The following GLDC variants were observed in gnomAD, a reference collection of about 807,000 sequenced individuals.
GLDC encodes glycine dehydrogenase (decarboxylating), mitochondrial.
A neutral mutation model predicts 121.3 loss-of-function variants in GLDC; 104 were observed. The ratio of observed to expected loss-of-function variants is 0.86; its 90% CI spans 0.73 to 1.01. GLDC has a LOEUF of 1.01. Among genes scored for constraint, GLDC ranks in the 50% least tolerant of loss-of-function variants. The pLI is 0.00. For missense variants in GLDC, 1,429 were observed against 1,306.6 expected, an observed-to-expected ratio of 1.09 and a Z score of -1.44; for synonymous variants, 546 against 480.6, an observed-to-expected ratio of 1.14 and a Z score of -1.78.
intron 21 of GLDC, among the ~76,000 whole-genome samples, chr9:6,543,521 C>G (rs1447242978): frequency 6.6e-6 from 1 of 152,134 alleles, no homozygotes; most frequent in Non-Finnish European, 1.5e-5. Context: ...GAAGAGGTCC[C>G]CACCATAGCC....
At chr9:6,564,306 G>A (rs1817813360) in intron 16 of GLDC, among the ~76,000 whole-genome samples, 2 of 152,010 alleles carry the variant, frequency 1.3e-5, no homozygotes, top group African/African-American at 4.8e-5. Context: ...AGACACACCT[G>A]TGGAATCAGG....
chr9:6,634,941 G>A lies in GLDC; in HGVS notation c.334+9673C>T, dbSNP rs188370713. 7.4e-4 allele frequency among the ~76,000 whole-genome samples: 112 copies of A among 152,230 alleles called. 1 individual carries two copies. The highest frequency in any genetic ancestry group is 1.5e-3 in the Non-Finnish European group (103 of 67,996). Reference sequence around the variant, plus strand: ...CTGTCTACCCATTACTTAGAGGGGGGAAAATAAATCCCTTTTGGCTCTGAG... The same window carrying A: ...CTGTCTACCCATTACTTAGAGGGGGAAAAATAAATCCCTTTTGGCTCTGAG... On this transcript the variant is annotated intron_variant, in intron 2 of 24. Transcript: ENST00000321612.
chr9:6,557,455 A>G (rs747884711), intron 17 of GLDC, among the ~76,000 whole-genome samples: 4 of 152,124 alleles, frequency 2.6e-5, no homozygotes, highest in South Asian at 4.1e-4. Flanking sequence ...GTAGCTGGGC[A>G]TGGTGGCACA....
chr9:6,598,250 T>G (rs900677055), intron 8 of GLDC, among the ~76,000 whole-genome samples: 1 of 152,154 alleles, frequency 6.6e-6, no homozygotes, highest in Non-Finnish European at 1.5e-5. Flanking sequence ...GGGATGGATT[T>G]AAACTGCTGA....
At chr9:6,622,195 G>A (rs889880176) in intron 2 of GLDC, among the ~76,000 whole-genome samples, 6 of 110,978 alleles carry the variant, frequency 5.4e-5, no homozygotes, top group African/African-American at 1.9e-4. Context: ...CACACACTCC[G>A]CACTCCACAT....
intron 15 of GLDC, among the ~76,000 whole-genome samples, chr9:6,580,238 C>G (rs1022838181): frequency 2.0e-5 from 3 of 152,210 alleles, no homozygotes; most frequent in Non-Finnish European, 2.9e-5. Context: ...TGCAGGCTCT[C>G]TGCTTCTATA....
chr9:6,586,999 G>T, intron 15 of GLDC, 142 bp downstream of exon 15: 1 of 733,642 alleles, frequency 1.4e-6, no homozygotes, highest in East Asian at 2.6e-5. Context: ...GCACCTTCTA[G>T]CCATGCTCTC....
chr9:6,542,618 G>A (rs1002088932), intron 21 of GLDC, among the ~76,000 whole-genome samples: 2 of 151,770 alleles, frequency 1.3e-5, no homozygotes, highest in Non-Finnish European at 2.9e-5. Flanking sequence ...GGGCATGGTA[G>A]CTCACACTTG....
chr9:6,539,708 T>C (rs1020195744), intron 22 of GLDC, among the ~76,000 whole-genome samples: 1 of 152,186 alleles, frequency 6.6e-6, no homozygotes, highest in Non-Finnish European at 1.5e-5. Context: ...GAGGTGGCTA[T>C]AAAACTCCAA....
intron 16 of GLDC, among the ~76,000 whole-genome samples, chr9:6,562,911 C>T (rs904947139): frequency 6.6e-6 from 1 of 152,156 alleles, no homozygotes; most frequent in South Asian, 2.1e-4. Flanking sequence ...GGCTAATGAG[C>T]TTTGTATTTC....
At chr9:6,546,096 T>C (rs531835019) in intron 21 of GLDC, among the ~76,000 whole-genome samples, 18 of 152,234 alleles carry the variant, frequency 1.2e-4, no homozygotes, top group Non-Finnish European at 2.6e-4. Context: ...TTAATTTCTT[T>C]TTACTTTTTA....
intron 2 of GLDC, among the ~76,000 whole-genome samples, chr9:6,631,114 G>T (rs1389212883): frequency 6.6e-6 from 1 of 152,216 alleles, no homozygotes; most frequent in Non-Finnish European, 1.5e-5. Flanking sequence ...CAGGGCAGCG[G>T]CACGCAGGCC....
chr9:6,537,015 A>T (rs12343253), intron 22 of GLDC, among the ~76,000 whole-genome samples: 9,943 of 150,276 alleles, frequency 0.066, 1,020 homozygotes, highest in African/African-American at 0.23. Context: ...ATTTCTTATA[A>T]TTTTTCTGTA....
intron 3 of GLDC, among the ~76,000 whole-genome samples, chr9:6,618,945 C>T (rs937030624): frequency 6.6e-6 from 1 of 151,810 alleles, no homozygotes; most frequent in Non-Finnish European, 1.5e-5. Flanking sequence ...AGTTCAAGAC[C>T]AGCCTGGCCA....
intron 22 of GLDC, among the ~76,000 whole-genome samples, chr9:6,536,860 G>A (rs1238462812): frequency 6.6e-6 from 1 of 152,136 alleles, no homozygotes; most frequent in Non-Finnish European, 1.5e-5. Flanking sequence ...CTGAAGTTTG[G>A]CCAGTATGTG....
rs189024606 is a variant in GLDC, at chr9:6,605,642, A to G, written c.714-364T>C. ...ATCACTCTTAAGTGAATGGAAAACCATAAGTAAGACAAGGAGGAAGAACTT... is the reference window on the plus strand; with the variant it reads ...ATCACTCTTAAGTGAATGGAAAACCGTAAGTAAGACAAGGAGGAAGAACTT... On this transcript the variant is annotated intron_variant, in intron 5 of 24. Coordinates refer to ENST00000321612, the MANE Select transcript of GLDC (RefSeq NM_000170.3). Among the ~76,000 whole-genome samples, 155 of 152,342 alleles carry G rather than the reference A, an allele frequency of 1.0e-3. 2 individuals are homozygous for G. Among genetic ancestry groups the G allele is most frequent in the African/African-American group, 3.6e-3 (151 of 41,574 alleles).
chr9:6,624,917 G>A (rs977784002), intron 2 of GLDC, among the ~76,000 whole-genome samples: 7 of 151,948 alleles, frequency 4.6e-5, no homozygotes, highest in Admixed American at 1.3e-4. Flanking sequence ...GAACCAGGGA[G>A]GCGGAGATTG....
chr9:6,558,288 A>G (rs984945716), intron 17 of GLDC: 4 of 600,422 alleles, frequency 6.7e-6, no homozygotes, highest in Admixed American at 5.9e-5. Context: ...GAGAGGGAAG[A>G]TTGGGCAGAA....
At chr9:6,595,179 AT>A in intron 8 of GLDC, 60 bp from the exon 9 acceptor site, 1 of 1,091,922 alleles carries the variant, frequency 9.2e-7, no homozygotes, top group Non-Finnish European at 1.4e-6. Flanking sequence ...GGAGGGTGTA[AT>A]TACTTGACTT....
Sources: allele counts gnomAD v4.1 joint callset (sites outside exome capture counted in the v4.1 genomes callset), GRCh38; gene constraint gnomAD v4.1.1; transcripts MANE v1.5; gene names NCBI Gene and HGNC (gene_info 2026-07-23, HGNC 2026-07-21).